Variants in EML5 observed in about 807,000 individuals in gnomAD.
EML5 encodes EMAP like 5.
EML5 carries 120 observed loss-of-function variants against 250.0 expected under a neutral mutation model. The observed-to-expected ratio is 0.48, with a 90% confidence interval of 0.41 to 0.56. EML5 has a LOEUF of 0.56. Among genes scored for constraint, EML5 ranks in the 20% least tolerant of loss-of-function variants. The pLI is 0.00. For synonymous variants in EML5, 771 were observed against 806.5 expected (o/e 0.96, Z 0.75); for missense variants, 2,006 against 2,437.6 (o/e 0.82, Z 3.73).
At chr14:88,742,564 C>T (rs78946296) in intron 4 of EML5, among the ~76,000 whole-genome samples, 1,562 of 152,014 alleles carry the variant, frequency 0.01, 24 homozygotes, top group African/African-American at 0.036. Context: ...GAAAATGGAG[C>T]CTTTAGCTTT....
intron 8 of EML5, among the ~76,000 whole-genome samples, chr14:88,716,821 C>T (rs921522311): frequency 1.4e-4 from 21 of 152,046 alleles, no homozygotes; most frequent in African/African-American, 4.6e-4. Context: ...AGTATAATAT[C>T]GCTCCGTCAA....
intron 1 of EML5, among the ~76,000 whole-genome samples, chr14:88,773,323 C>A (rs955991158): frequency 6.6e-6 from 1 of 152,240 alleles, no homozygotes; most frequent in Non-Finnish European, 1.5e-5. Flanking sequence ...CATGATGACA[C>A]TGAACAGATC....
chr14:88,662,936 G>A (rs938604148), intron 24 of EML5, 95 bp downstream of exon 24: 1 of 833,226 alleles, frequency 1.2e-6, no homozygotes, highest in Non-Finnish European at 1.8e-6. Flanking sequence ...TTTGAGAACA[G>A]ACTTCACGTG....
intron 1 of EML5, among the ~76,000 whole-genome samples, chr14:88,763,972 G>A (rs1189395468): frequency 6.6e-6 from 1 of 152,118 alleles, no homozygotes; most frequent in Non-Finnish European, 1.5e-5. Context: ...TCTGTCAAAT[G>A]CTTTTCCTGT....
At chr14:88,648,633 A>G (rs995552116) in intron 28 of EML5, among the ~76,000 whole-genome samples, 1 of 152,148 alleles carries the variant, frequency 6.6e-6, no homozygotes, top group Non-Finnish European at 1.5e-5. Flanking sequence ...CTGGGATTAC[A>G]GGCATAAACC....
intron 38 of EML5, 24 bp downstream of exon 38, chr14:88,621,087 CTT>C (rs1480703305): frequency 1.3e-6 from 2 of 1,597,084 alleles, no homozygotes; most frequent in African/African-American, 1.3e-5. Context: ...GTTGTAACCT[CTT>C]TTAAAAAAAT....
At chr14:88,753,416 G>A (rs1409322698) in intron 2 of EML5, among the ~76,000 whole-genome samples, 1 of 152,074 alleles carries the variant, frequency 6.6e-6, no homozygotes, top group Admixed American at 6.6e-5. Context: ...CATGTTCAAG[G>A]GGATAGAACA....
chr14:88,742,224 C>T (rs376398614), intron 4 of EML5, among the ~76,000 whole-genome samples: 1 of 151,990 alleles, frequency 6.6e-6, no homozygotes, highest in East Asian at 1.9e-4. Flanking sequence ...CAATATTGAC[C>T]AATAGAAATT....
chr14:88,770,315 T>C (rs899351057), intron 1 of EML5, among the ~76,000 whole-genome samples: 1 of 152,216 alleles, frequency 6.6e-6, no homozygotes, highest in Non-Finnish European at 1.5e-5. Flanking sequence ...TTATAATTCA[T>C]GCTTTTTGTG....
intron 21 of EML5, among the ~76,000 whole-genome samples, chr14:88,674,672 C>T (rs1170644417): frequency 2.0e-5 from 3 of 152,194 alleles, no homozygotes; most frequent in Non-Finnish European, 2.9e-5. Flanking sequence ...CAAACCCAAT[C>T]GTGCCTTCCC....
intron 1 of EML5, among the ~76,000 whole-genome samples, chr14:88,778,305 T>C (rs1275873692): frequency 6.6e-6 from 1 of 152,162 alleles, no homozygotes; most frequent in Non-Finnish European, 1.5e-5. Flanking sequence ...CAATAAAGAT[T>C]TGTTTAATAT....
chr14:88,619,403 G>A (rs1265208823), intron 39 of EML5: 2 of 152,344 alleles, frequency 1.3e-5, no homozygotes, highest in Admixed American at 1.3e-4. Flanking sequence ...TTTAAATAGA[G>A]GCGGGGTCTC....
At chr14:88,783,068 G>A (rs770986796) in intron 1 of EML5, among the ~76,000 whole-genome samples, 9 of 151,668 alleles carry the variant, frequency 5.9e-5, no homozygotes, top group Non-Finnish European at 1.3e-4. Context: ...AAGACAGAGT[G>A]AGACTCCATG....
chr14:88,650,051 T>C, intron 27 of EML5, 125 bp from the exon 28 acceptor site: 2 of 587,038 alleles, frequency 3.4e-6, no homozygotes, highest in Non-Finnish European at 5.5e-6. Context: ...AATACAAAAA[T>C]GTCTAACTTA....
intron 1 of EML5, among the ~76,000 whole-genome samples, chr14:88,756,219 A>G (rs2094156731): frequency 6.6e-6 from 1 of 152,184 alleles, no homozygotes; most frequent in Admixed American, 6.5e-5. Context: ...AAATCAACAA[A>G]TATGGCATAT....
At chr14:88,703,923 G>A (rs1295802228) in intron 13 of EML5, among the ~76,000 whole-genome samples, 1 of 152,106 alleles carries the variant, frequency 6.6e-6, no homozygotes, top group Non-Finnish European at 1.5e-5. Context: ...ACTTTCATAA[G>A]ACAAATTTAT....
chr14:88,646,867 C>T, intron 29 of EML5, 80 bp downstream of exon 29: 1 of 1,432,162 alleles, frequency 7.0e-7, no homozygotes, highest in Non-Finnish European at 9.5e-7. Flanking sequence ...CACTAAGTAA[C>T]AGTATCCCAT....
intron 16 of EML5, 116 bp from the exon 17 acceptor site, chr14:88,694,523 A>G: frequency 1.4e-6 from 1 of 700,348 alleles, no homozygotes; most frequent in Non-Finnish European, 2.3e-6. Context: ...ACTCCCACTT[A>G]TCTCTCAGGT....
At chr14:88,731,324 G>T (rs933242322) in intron 7 of EML5, among the ~76,000 whole-genome samples, 16 of 150,562 alleles carry the variant, frequency 1.1e-4, no homozygotes, top group Admixed American at 2.0e-4. Flanking sequence ...GCAGTGTTTG[G>T]TTTTTGTCCT....
Sources: gnomAD v4.1 joint callset for allele counts (sites outside exome capture counted in the v4.1 genomes callset) on GRCh38, gnomAD v4.1.1 for gene constraint, MANE v1.5 for transcripts, NCBI Gene and HGNC (gene_info 2026-07-23, HGNC 2026-07-21) for gene names.